Variants in KDM4B observed in about 807,000 individuals in gnomAD.
The protein encoded by KDM4B is lysine demethylase 4B.
KDM4B carries 32 observed loss-of-function variants against 125.2 expected under a neutral mutation model. The ratio of observed to expected loss-of-function variants is 0.26; its 90% CI spans 0.19 to 0.34. The LOEUF (loss-of-function observed/expected upper bound fraction) is 0.34. Ranked by LOEUF, KDM4B falls within the 10% of genes least tolerant of loss-of-function variation. The pLI is 1.00. For synonymous variants in KDM4B, 721 were observed against 677.9 expected, an observed-to-expected ratio of 1.06 and a Z score of -0.99; for missense variants, 1,190 against 1,577.7, an observed-to-expected ratio of 0.75 and a Z score of 4.16.
At chr19:5,020,835 G>C (rs2036093915) in intron 2 of KDM4B, among the ~76,000 whole-genome samples, 1 of 152,200 alleles carries the variant, frequency 6.6e-6, no homozygotes, top group African/African-American at 2.4e-5. Context: ...ATAGGTGTCA[G>C]CTGGGGGCTG....
intron 15 of KDM4B, 119 bp downstream of exon 15, chr19:5,135,680 C>T (rs1293264349): frequency 1.2e-6 from 1 of 852,736 alleles, no homozygotes; most frequent in Non-Finnish European, 1.8e-6. Context: ...CCCCAGGCTG[C>T]ACTTTCAGGG....
intron 1 of KDM4B, among the ~76,000 whole-genome samples, chr19:4,992,482 C>T (rs2035061605): frequency 6.6e-6 from 1 of 151,622 alleles, no homozygotes; most frequent in African/African-American, 2.4e-5. Context: ...GGATCTTGCT[C>T]TGTTGCCCAG....
intron 5 of KDM4B, 63 bp downstream of exon 5, chr19:5,041,314 C>A: frequency 7.8e-7 from 1 of 1,279,452 alleles, no homozygotes; most frequent in Non-Finnish European, 1.1e-6. Context: ...GTGGGAGGGC[C>A]CTGAACGGGA....
At chr19:5,131,574 AG>A (rs753264673) in intron 12 of KDM4B, 29 bp downstream of exon 12, 87 of 140,318 alleles carry the variant, frequency 6.2e-4, no homozygotes, top group East Asian at 2.2e-3. Flanking sequence ...GGCAGGGAGG[AG>A]GGGGGCAGGT....
At chr19:5,151,288 CAG>C (rs2039942480) in intron 22 of KDM4B, 45 bp from the exon 23 acceptor site, 9 of 1,406,264 alleles carry the variant, frequency 6.4e-6, no homozygotes, top group Admixed American at 2.9e-5. Flanking sequence ...TGGGGCCGCA[CAG>C]AGTGTCTCCA....
chr19:5,057,072 G>A (rs555621940), intron 6 of KDM4B, among the ~76,000 whole-genome samples: 47 of 151,902 alleles, frequency 3.1e-4, no homozygotes, highest in African/African-American at 1.1e-3. Context: ...GTGTGCGCGC[G>A]CGCGCGTATG....
At chr19:5,073,950 CTG>C (rs1478745087) in intron 7 of KDM4B, 2 of 152,244 alleles carry the variant, frequency 1.3e-5, no homozygotes, top group Non-Finnish European at 2.9e-5. Context: ...GACTCTGTCT[CTG>C]TAAAAATTAG....
intron 12 of KDM4B, 26 bp from the exon 13 acceptor site, chr19:5,131,861 T>C (rs1175900467): frequency 9.3e-6 from 15 of 1,612,436 alleles, no homozygotes; most frequent in Admixed American, 3.3e-5. Flanking sequence ...AGCGGGGCCC[T>C]CACTACAGCC....
intron 9 of KDM4B, among the ~76,000 whole-genome samples, chr19:5,104,512 T>C (rs2038999248): frequency 6.6e-6 from 1 of 151,884 alleles, no homozygotes; most frequent in Non-Finnish European, 1.5e-5. Context: ...AACTAAAATC[T>C]TGGGAAATTA....
intron 9 of KDM4B, among the ~76,000 whole-genome samples, chr19:5,101,549 C>G (rs1176261149): frequency 2.6e-5 from 4 of 151,634 alleles, no homozygotes. Flanking sequence ...AAACAAAACC[C>G]CAAAACCCAA....
At chr19:5,031,433 A>G (rs2036453530) in intron 2 of KDM4B, among the ~76,000 whole-genome samples, 1 of 152,240 alleles carries the variant, frequency 6.6e-6, no homozygotes, top group Admixed American at 6.5e-5. Context: ...CTGTGCAGAC[A>G]CTGGCTTTGC....
At chr19:5,025,007 C>T (rs1366561062) in intron 2 of KDM4B, among the ~76,000 whole-genome samples, 1 of 152,246 alleles carries the variant, frequency 6.6e-6, no homozygotes, top group Non-Finnish European at 1.5e-5. Context: ...ACAAGTCACC[C>T]ATTTGAAGCA....
At chr19:5,010,410 G>C (rs116358547) in intron 1 of KDM4B, among the ~76,000 whole-genome samples, 193 of 152,324 alleles carry the variant, frequency 1.3e-3, no homozygotes, top group African/African-American at 4.4e-3. Flanking sequence ...CGTCGGTCAA[G>C]TTTCTCCACT....
chr19:5,132,464 C>T (rs118070825), intron 13 of KDM4B, among the ~76,000 whole-genome samples: 2,437 of 152,150 alleles, frequency 0.016, 28 homozygotes, highest in Middle Eastern at 0.082. Flanking sequence ...ACTTCTGCTT[C>T]GGCCTTTCAT....
In KDM4B at chr19:5,151,868, A is replaced by C; in HGVS notation, c.*357A>C. ...CCACCTTTGTGAGGCTCTTTCTATA[A>C]ATACATATTGTTTAAAAAAAAGCAA... On this transcript the variant is annotated 3_prime_UTR_variant, in exon 23 of 23. Transcript: ENST00000159111. 4.4e-6 allele frequency: 1 copy of C among 228,692 alleles called. No homozygotes were observed. The highest frequency in any genetic ancestry group is 8.5e-6 in the Non-Finnish European group (1 of 117,990). 14.2% of individuals were successfully genotyped at this position (228,692 alleles called of 1,614,324 possible). A position where few individuals can be genotyped will look rare whatever the true frequency, so the allele number is the denominator to read the frequency against.
In KDM4B at chr19:5,150,431, A is replaced by G; in HGVS notation, c.3095A>G (p.Lys1032Arg). ...TTCACCCTGGAGGAGGAGCTGCCCA[A>G]GAGGGTCCGCTCTCGGCTGGTGAGT... Reference protein sequence around the residue: ...DIFTLEEELPKRVRSRLSLST... With the variant: ...DIFTLEEELPRRVRSRLSLST... The change falls in exon 22 of 23, where the codon AAG (lysine) becomes AGG (arginine). Residue 1032 changes from lysine (K) to arginine (R), a missense_variant. By Grantham distance (26) the Lys-to-Arg change is conservative. This residue lies in a region of KDM4B where 298 missense variants were observed against 439.7 expected (regional missense o/e 0.68). Transcript: ENST00000159111. 6.4e-7 allele frequency: 1 copy of G among 1,550,836 alleles called. No individual in the cohort carries two copies. Among genetic ancestry groups the G allele is most frequent in the Non-Finnish European group, 8.7e-7 (1 of 1,146,842 alleles).
At chr19:5,095,899 GC>G (rs1356546353) in intron 9 of KDM4B, among the ~76,000 whole-genome samples, 2 of 152,200 alleles carry the variant, frequency 1.3e-5, no homozygotes, top group African/African-American at 4.8e-5. Context: ...CCTGGCAGGG[GC>G]CCCCAGTCTA....
Position 5,035,226 on chromosome 19 carries a change from G to T in KDM4B, c.141+2195G>T, listed in dbSNP as rs962248719. On this transcript the variant is annotated intron_variant, in intron 3 of 22. Transcript: ENST00000159111. This position sits in a 1 kb window ranked among gnomAD's most constrained non-coding sequence, Gnocchi z 5.3. ...TGCACATAGGGCAGGTGGGACAGGC[G>T]TCGCCTCCCTTTATCCTGGCACCGC... is the stretch of plus-strand genomic sequence containing the variant. Among the ~76,000 whole-genome samples the T allele has an allele frequency of 6.6e-6, 1 of 152,098 alleles. No homozygotes were observed. Among genetic ancestry groups the T allele is most frequent in the African/African-American group, 2.4e-5 (1 of 41,408 alleles).
intron 9 of KDM4B, among the ~76,000 whole-genome samples, chr19:5,087,838 T>C (rs1157139303): frequency 6.6e-6 from 1 of 152,192 alleles, no homozygotes; most frequent in Non-Finnish European, 1.5e-5. Flanking sequence ...GACTCCCACC[T>C]TGAGGATGGA....
Sources: allele counts gnomAD v4.1 joint callset (sites outside exome capture counted in the v4.1 genomes callset), GRCh38; gene constraint gnomAD v4.1.1; regional missense constraint gnomAD v4.1.1; non-coding constraint Gnocchi (gnomAD v3.1); transcripts MANE v1.5; gene names NCBI Gene and HGNC (gene_info 2026-07-23, HGNC 2026-07-21).